Variants in GRID2 observed in about 807,000 individuals in gnomAD.
GRID2 encodes glutamate ionotropic receptor delta type subunit 2.
In GRID2, 33 loss-of-function variants were observed where a neutral mutation model predicts 114.8. That is an observed-to-expected ratio of 0.29 (90% confidence interval 0.22 to 0.38). The LOEUF is 0.38. GRID2 is among the 10% of genes least tolerant of loss of function. GRID2 has a pLI of 1.00. For missense variants in GRID2, 1,184 were observed against 1,257.7 expected (o/e 0.94, Z 0.89); for synonymous variants, 505 against 449.9 (o/e 1.12, Z -1.55).
chr4:92,535,646 T>C (rs896331591), intron 1 of GRID2, among the ~76,000 whole-genome samples: 1 of 152,116 alleles, frequency 6.6e-6, no homozygotes, highest in Non-Finnish European at 1.5e-5. Context: ...TGCAAGTGTA[T>C]CAATTAAACT....
intron 2 of GRID2, among the ~76,000 whole-genome samples, chr4:92,767,665 C>T (rs932894275): frequency 9.2e-5 from 14 of 151,992 alleles, no homozygotes; most frequent in Admixed American, 2.6e-4. Flanking sequence ...GCAGGAGAAT[C>T]GCTTGAACCT....
intron 14 of GRID2, among the ~76,000 whole-genome samples, chr4:93,760,344 C>G (rs1184197642): frequency 6.6e-6 from 1 of 152,180 alleles, no homozygotes; most frequent in Non-Finnish European, 1.5e-5. Flanking sequence ...TAGGAAGACA[C>G]TAGTAACTAC....
intron 1 of GRID2, among the ~76,000 whole-genome samples, chr4:92,399,402 C>CTT (rs1474318269): frequency 6.6e-6 from 1 of 152,142 alleles, no homozygotes; most frequent in Non-Finnish European, 1.5e-5. Context: ...AGCCGTTGAG[C>CTT]TTTACCCTGT....
At chr4:93,116,227 C>T (rs1579033865) in intron 4 of GRID2, among the ~76,000 whole-genome samples, 1 of 152,108 alleles carries the variant, frequency 6.6e-6, no homozygotes, top group East Asian at 1.9e-4. Context: ...AAAGTTCGTT[C>T]ACTATTTTTC....
intron 1 of GRID2, among the ~76,000 whole-genome samples, chr4:92,335,359 T>C (rs137908120): frequency 0.01 from 1,543 of 152,334 alleles, 18 homozygotes; most frequent in African/African-American, 0.035. Flanking sequence ...AAGATCTTGG[T>C]ATTCTTTTCT....
At chr4:93,621,059 CT>C (rs1742178144) in intron 13 of GRID2, among the ~76,000 whole-genome samples, 1 of 152,154 alleles carries the variant, frequency 6.6e-6, no homozygotes, top group Non-Finnish European at 1.5e-5. Flanking sequence ...GGGCCCAAGT[CT>C]TACCTTTATA....
At chr4:93,763,925 A>G (rs1332342909) in intron 14 of GRID2, among the ~76,000 whole-genome samples, 1 of 152,214 alleles carries the variant, frequency 6.6e-6, no homozygotes, top group African/African-American at 2.4e-5. Context: ...CCTATGGGCC[A>G]TGATTCCAGA....
At chr4:93,275,244 C>T (rs1233327835) in intron 8 of GRID2, among the ~76,000 whole-genome samples, 1 of 151,862 alleles carries the variant, frequency 6.6e-6, no homozygotes, top group Non-Finnish European at 1.5e-5. Context: ...TGAACTGATA[C>T]TTCTATTCCT....
At chr4:92,888,552 G>A (rs375240229) in intron 2 of GRID2, among the ~76,000 whole-genome samples, 2 of 151,816 alleles carry the variant, frequency 1.3e-5, no homozygotes, top group East Asian at 3.9e-4. Flanking sequence ...TGGCGCTGGG[G>A]GGATGAAACT....
intron 2 of GRID2, among the ~76,000 whole-genome samples, chr4:93,014,096 G>A (rs1722451567): frequency 6.6e-6 from 1 of 152,092 alleles, no homozygotes; most frequent in Non-Finnish European, 1.5e-5. Context: ...TTCTGCTCAT[G>A]TGTCAGTTGA....
intron 14 of GRID2, among the ~76,000 whole-genome samples, chr4:93,652,047 G>A (rs1265801612): frequency 1.3e-5 from 2 of 152,076 alleles, no homozygotes. Flanking sequence ...AATTGATGTT[G>A]GTTAATGTTA....
At chr4:93,762,329 A>G (rs1335621281) in intron 14 of GRID2, among the ~76,000 whole-genome samples, 2 of 152,172 alleles carry the variant, frequency 1.3e-5, no homozygotes, top group Non-Finnish European at 1.5e-5. Flanking sequence ...CATAAAACTC[A>G]TAAGTAGGTA....
intron 13 of GRID2, among the ~76,000 whole-genome samples, chr4:93,579,703 C>A (rs542555785): frequency 6.6e-6 from 1 of 152,210 alleles, no homozygotes; most frequent in Admixed American, 6.5e-5. Context: ...TCTCAGTGAG[C>A]CTGCATTTGT....
At chr4:93,037,335 C>A (rs990171191) in intron 2 of GRID2, among the ~76,000 whole-genome samples, 2 of 152,092 alleles carry the variant, frequency 1.3e-5, no homozygotes, top group Admixed American at 6.6e-5. Context: ...TTAAAGAAAA[C>A]GTCACCCTTT....
At chr4:93,350,613 A>G (rs1467928522) in intron 8 of GRID2, among the ~76,000 whole-genome samples, 1 of 151,958 alleles carries the variant, frequency 6.6e-6, no homozygotes, top group Non-Finnish European at 1.5e-5. Context: ...CTGTTTGAGT[A>G]TCTTCTAGTT....
At chr4:92,613,853 T>C (rs1040015225) in intron 2 of GRID2, among the ~76,000 whole-genome samples, 1 of 151,512 alleles carries the variant, frequency 6.6e-6, no homozygotes, top group African/African-American at 2.4e-5. Context: ...GATTTTGCTC[T>C]TTATTATTTC....
intron 9 of GRID2, among the ~76,000 whole-genome samples, chr4:93,401,926 C>A: frequency 7.0e-6 from 1 of 143,074 alleles, no homozygotes; most frequent in African/African-American, 2.6e-5. Context: ...TTTGGAATTT[C>A]TTTTTTTTTT....
chr4:93,764,637 TAGC>T (rs1200660892), intron 14 of GRID2, among the ~76,000 whole-genome samples: 1 of 152,130 alleles, frequency 6.6e-6, no homozygotes, highest in Non-Finnish European at 1.5e-5. Context: ...GGTGTAAAAA[TAGC>T]AGGAATTTTT....
intron 2 of GRID2, among the ~76,000 whole-genome samples, chr4:92,700,819 C>T (rs1333445590): frequency 6.6e-6 from 1 of 151,966 alleles, no homozygotes; most frequent in East Asian, 1.9e-4. Flanking sequence ...AGTGAAACCC[C>T]GTCTCTGCTA....
Sources: gnomAD v4.1 joint callset for allele counts (sites outside exome capture counted in the v4.1 genomes callset) on GRCh38, gnomAD v4.1.1 for gene constraint, MANE v1.5 for transcripts, NCBI Gene and HGNC (gene_info 2026-07-23, HGNC 2026-07-21) for gene names.